The following LNPK variants were observed in gnomAD, a reference collection of about 807,000 sequenced individuals.
LNPK encodes the protein endoplasmic reticulum junction formation protein lunapark.
A neutral mutation model predicts 55.2 loss-of-function variants in LNPK; 29 were observed. That is an observed-to-expected ratio of 0.53 (90% CI 0.39 to 0.72). The LOEUF is 0.72. LNPK is among the 30% of genes least tolerant of loss of function. The pLI is 0.00. For missense variants in LNPK, 467 were observed against 494.8 expected (o/e 0.94, Z 0.53); for synonymous variants, 162 against 168.2 (o/e 0.96, Z 0.29).
At chr2:175,984,795 A>G (rs1687329924) in intron 4 of LNPK, among the ~76,000 whole-genome samples, 1 of 152,206 alleles carries the variant, frequency 6.6e-6, no homozygotes. Context: ...ACTCTGAAAA[A>G]AAGTTTAGCA....
intron 5 of LNPK, among the ~76,000 whole-genome samples, chr2:175,979,499 A>G (rs1687069809): frequency 6.6e-6 from 1 of 152,000 alleles, no homozygotes; most frequent in Admixed American, 6.6e-5. Context: ...CGGAGGTTGC[A>G]GTGAGCCGAG....
chr2:175,935,210 A>G (rs1482157873), intron 12 of LNPK, among the ~76,000 whole-genome samples: 1 of 152,190 alleles, frequency 6.6e-6, no homozygotes, highest in African/African-American at 2.4e-5. Context: ...TCATCTCTAC[A>G]CTTTCTGCTG....
intron 9 of LNPK, among the ~76,000 whole-genome samples, chr2:175,942,388 G>A (rs754878376): frequency 5.3e-5 from 8 of 152,116 alleles, no homozygotes; most frequent in Non-Finnish European, 1.2e-4. Context: ...ACATATACAT[G>A]TTCTTTCAAG....
At chr2:175,937,546 C>T in intron 11 of LNPK, 32 bp from the exon 12 acceptor site, 1 of 1,559,404 alleles carries the variant, frequency 6.4e-7, no homozygotes, top group South Asian at 1.2e-5. Context: ...TAAGCAAAAC[C>T]ACAAACCAAG....
intron 8 of LNPK, among the ~76,000 whole-genome samples, chr2:175,962,561 T>C (rs145502876): frequency 6.6e-6 from 1 of 151,994 alleles, no homozygotes; most frequent in Non-Finnish European, 1.5e-5. Context: ...ATTCAAGATG[T>C]ATTAAAGACT....
At chr2:175,974,470 A>G (rs1208681891) in intron 5 of LNPK, among the ~76,000 whole-genome samples, 1 of 152,232 alleles carries the variant, frequency 6.6e-6, no homozygotes, top group African/African-American at 2.4e-5. Flanking sequence ...CAGCTACTCA[A>G]TTCTGCTATT....
Position 175,929,683 on chromosome 2 carries a change from C to A in LNPK, c.*284G>T. On this transcript the variant is annotated 3_prime_UTR_variant, in exon 13 of 13. Coordinates refer to ENST00000272748, the MANE Select transcript of LNPK (RefSeq NM_030650.3). ...TACATACAGAAAACAAGAAGGCAAT[C>A]ATGTTTGCTTACTTTTAGAATGGAC... 2 of 1,198,040 alleles carry A rather than the reference C, an allele frequency of 1.7e-6. No homozygotes were observed. The highest frequency in any genetic ancestry group is 3.0e-5 in the South Asian group (1 of 33,134). The allele number at this position is 1,198,040 out of a possible 1,614,324, so 74.2% of individuals were successfully genotyped here.
intron 5 of LNPK, among the ~76,000 whole-genome samples, chr2:175,971,645 T>A (rs1326468897): frequency 1.3e-5 from 2 of 152,144 alleles, no homozygotes; most frequent in Admixed American, 1.3e-4. Context: ...TCAAAGTACA[T>A]CATTTATGTA....
intron 9 of LNPK, 58 bp downstream of exon 9, chr2:175,947,422 T>C (rs1269748739): frequency 1.4e-6 from 2 of 1,464,996 alleles, no homozygotes; most frequent in African/African-American, 1.4e-5. Context: ...ATGGCCCGTT[T>C]TATTGGTAAC....
Position 175,947,667 on chromosome 2 carries a change from T to C in LNPK, c.519A>G (p.Gln173=), listed in dbSNP as rs774979895. ...GQEIRQRTAA[Q]RNLSPTPASP... is the part of the protein sequence containing the mutation. ...TTGCTGGTGTTGGAGAAAGGTTTCT[T>C]TGAGCTGCAGTTCGCTGACGAATCT... The change falls in exon 9 of 13, where the codon CAA becomes CAG. Residue 173 remains glutamine (Q), a synonymous_variant. Coordinates refer to ENST00000272748, the MANE Select transcript of LNPK (RefSeq NM_030650.3). 1.5e-5 allele frequency: 24 copies of C among 1,613,128 alleles called. No homozygotes were observed. Among genetic ancestry groups the C allele is most frequent in the Non-Finnish European group, 2.0e-5 (24 of 1,179,536 alleles).
At chr2:175,960,849 T>C (rs1351990074) in intron 8 of LNPK, among the ~76,000 whole-genome samples, 1 of 151,858 alleles carries the variant, frequency 6.6e-6, no homozygotes, top group African/African-American at 2.4e-5. Context: ...AAGAATCAAA[T>C]AGACACAATA....
intron 6 of LNPK, among the ~76,000 whole-genome samples, chr2:175,967,934 T>C (rs1473844898): frequency 6.6e-6 from 1 of 152,224 alleles, no homozygotes; most frequent in Non-Finnish European, 1.5e-5. Context: ...ATTTAAAGAC[T>C]TCTTTTGCTT....
At chr2:175,935,545 C>A (rs964385587) in intron 12 of LNPK, among the ~76,000 whole-genome samples, 1 of 152,008 alleles carries the variant, frequency 6.6e-6, no homozygotes, top group African/African-American at 2.4e-5. Flanking sequence ...TTCTGGAAAG[C>A]CAAAGAAAAA....
chr2:175,964,702 G>C, intron 6 of LNPK, 113 bp from the exon 7 acceptor site: 1 of 642,342 alleles, frequency 1.6e-6, no homozygotes, highest in Non-Finnish European at 2.8e-6. Context: ...TAGAATGAAA[G>C]ACTTCCTACA....
At chr2:175,992,826 A>T (rs921296154) in intron 3 of LNPK, among the ~76,000 whole-genome samples, 11 of 152,162 alleles carry the variant, frequency 7.2e-5, no homozygotes, top group African/African-American at 2.7e-4. Context: ...TATCACTCTC[A>T]ATATTCCCAG....
At chr2:175,961,310 AC>A (rs1177971493) in intron 8 of LNPK, among the ~76,000 whole-genome samples, 2 of 152,230 alleles carry the variant, frequency 1.3e-5, no homozygotes, top group East Asian at 3.8e-4. Flanking sequence ...TGAATAAAAT[AC>A]TGGTGAACTG....
At chr2:175,947,756 C>T in intron 8 of LNPK, 64 bp from the exon 9 acceptor site, 1 of 1,150,998 alleles carries the variant, frequency 8.7e-7, no homozygotes, top group African/African-American at 1.5e-5. Flanking sequence ...GTATCACAAA[C>T]AATTTATATT....
At chr2:175,934,286 A>AAACTT (rs528900137) in intron 12 of LNPK, among the ~76,000 whole-genome samples, 155 of 152,316 alleles carry the variant, frequency 1.0e-3, no homozygotes, top group African/African-American at 3.3e-3. Context: ...CAAAAATACT[A>AAACTT]AGAATTTTCC....
At chr2:175,981,408 A>G (rs2105687805) in intron 4 of LNPK, among the ~76,000 whole-genome samples, 1 of 152,308 alleles carries the variant, frequency 6.6e-6, no homozygotes, top group East Asian at 1.9e-4. Context: ...ACCTGTGTGA[A>G]TTTAGGAGTA....
Sources: gnomAD v4.1 joint callset for allele counts (sites outside exome capture counted in the v4.1 genomes callset) on GRCh38, gnomAD v4.1.1 for gene constraint, MANE v1.5 for transcripts, NCBI Gene and HGNC (gene_info 2026-07-23, HGNC 2026-07-21) for gene names.